Variants in AMZ2 observed in about 807,000 individuals in gnomAD.
AMZ2 encodes the protein archaemetzincin-2.
AMZ2 carries 26 observed loss-of-function variants against 36.7 expected under a neutral mutation model. The ratio of observed to expected loss-of-function variants is 0.71; its 90% CI spans 0.52 to 0.98. The LOEUF is 0.98. Ranked by LOEUF, AMZ2 falls within the 50% of genes least tolerant of loss-of-function variation. AMZ2 has a pLI of 0.00. For missense variants in AMZ2, 394 were observed against 430.5 expected, an observed-to-expected ratio of 0.92 and a Z score of 0.75; for synonymous variants, 144 against 149.1, an observed-to-expected ratio of 0.97 and a Z score of 0.25.
At chr17:68,249,499 A>C (rs1405057204) in intron 1 of AMZ2, 1 of 152,156 alleles carries the variant, frequency 6.6e-6, no homozygotes, top group Non-Finnish European at 1.5e-5. Flanking sequence ...GGGTTTTGCC[A>C]TGATGTCGAA....
At chr17:68,244,118 C>T (rs1301672738), upstream of AMZ2, among the ~76,000 whole-genome samples, 6 of 152,112 alleles carry the variant, frequency 3.9e-5, no homozygotes, top group East Asian at 1.2e-3. Context: ...GGACATCATA[C>T]ATATGGAAAA....
chr17:68,231,458 T>G (rs1467364333), intron 1 of AMZ2, among the ~76,000 whole-genome samples: 2 of 102,854 alleles, frequency 1.9e-5, no homozygotes, highest in African/African-American at 5.0e-5. Flanking sequence ...AATTGTGGCT[T>G]CTTGTATCCT....
At chr17:68,236,299 CTA>C (rs1195610722) in intron 1 of AMZ2, among the ~76,000 whole-genome samples, 2 of 151,878 alleles carry the variant, frequency 1.3e-5, no homozygotes, top group Admixed American at 6.6e-5. Flanking sequence ...AACACTTAAA[CTA>C]TGTAAATTTA....
intron 1 of AMZ2, among the ~76,000 whole-genome samples, chr17:68,221,292 G>A (rs2073359600): frequency 7.0e-6 from 1 of 142,570 alleles, no homozygotes. Flanking sequence ...AGTAGAGTCA[G>A]GGTCTCACTG....
chr17:68,248,934 G>T, intron 1 of AMZ2: 1 of 687,324 alleles, frequency 1.5e-6, no homozygotes, highest in Non-Finnish European at 1.9e-6. Flanking sequence ...CATTAAACTG[G>T]CAAAATCTAA....
intron 1 of AMZ2, chr17:68,249,609 C>G (rs1374464229): frequency 6.6e-6 from 1 of 152,518 alleles, no homozygotes; most frequent in Non-Finnish European, 1.5e-5. Flanking sequence ...AATATTATTC[C>G]CCAAAAGAAG....
At chr17:68,245,481 A>G (rs186974509), upstream of AMZ2, among the ~76,000 whole-genome samples, 2 of 151,548 alleles carry the variant, frequency 1.3e-5, no homozygotes, top group Admixed American at 6.6e-5. Flanking sequence ...TCCTAGGCTC[A>G]AGTGATTCTC....
chr17:68,236,513 T>G (rs565819710), intron 1 of AMZ2, among the ~76,000 whole-genome samples: 1 of 148,836 alleles, frequency 6.7e-6, no homozygotes, highest in African/African-American at 2.5e-5. Context: ...AAGAAGAAAG[T>G]AAAACAGCAC....
chr17:68,241,254 AAAT>A (rs2073894806), intron 1 of AMZ2, among the ~76,000 whole-genome samples: 1 of 152,354 alleles, frequency 6.6e-6, no homozygotes, highest in Non-Finnish European at 1.5e-5. Flanking sequence ...TTAAGAAAAT[AAAT>A]AATAGAAATC....
At chr17:68,227,464 ACT>A (rs1426118134) in intron 1 of AMZ2, among the ~76,000 whole-genome samples, 10 of 151,960 alleles carry the variant, frequency 6.6e-5, no homozygotes, top group Admixed American at 1.3e-4. Context: ...ACAGAAATCT[ACT>A]CTCTCACAGT....
At chr17:68,246,057 G>A (rs531944859), upstream of AMZ2, among the ~76,000 whole-genome samples, 3 of 152,050 alleles carry the variant, frequency 2.0e-5, no homozygotes, top group Non-Finnish European at 4.4e-5. Flanking sequence ...TGTAATCCCT[G>A]CACTTTGGGA....
chr17:68,209,098 G>A (rs1555725096), intron 1 of AMZ2, among the ~76,000 whole-genome samples: 1 of 152,164 alleles, frequency 6.6e-6, no homozygotes, highest in East Asian at 1.9e-4. Context: ...TGTCCGGGGA[G>A]GCTGTATGGA....
rs2074431654 is a variant in AMZ2 at position 68,251,114 on chromosome 17, A to G, written c.522A>G (p.Thr174=). ...ATGCCTTCTGTGTTGTGGGAATAAC[A>G]ATGATTGATCTTTACCCAAGAGACT... The part of the protein sequence containing the change: ...PEDAFCVVGI[T]MIDLYPRDSW... Residue 174 remains threonine (T), a synonymous_variant, in exon 4 of 7, where the codon ACA becomes ACG. Transcript: ENST00000359904. 1 of 1,613,946 alleles carries G rather than the reference A, an allele frequency of 6.2e-7. No homozygotes were observed. The highest frequency in any genetic ancestry group is 8.5e-7 in the Non-Finnish European group (1 of 1,179,956).
At chr17:68,236,862 G>A (rs1370911421) in intron 1 of AMZ2, among the ~76,000 whole-genome samples, 1 of 152,094 alleles carries the variant, frequency 6.6e-6, no homozygotes, top group Non-Finnish European at 1.5e-5. Flanking sequence ...TTACAGGCGT[G>A]AGCCACCATG....
At chr17:68,221,458 G>A (rs568496575) in intron 1 of AMZ2, among the ~76,000 whole-genome samples, 4 of 152,008 alleles carry the variant, frequency 2.6e-5, no homozygotes, top group South Asian at 2.1e-4. Context: ...GGCAGGGCAC[G>A]GTGGCTCACG....
chr17:68,248,729 A>G (rs1178584600), intron 1 of AMZ2, 24 bp downstream of exon 1: 4 of 989,690 alleles, frequency 4.0e-6, no homozygotes, highest in South Asian at 4.7e-5. Context: ...AGGAAGGTAC[A>G]TCTTGTTTTA....
intron 1 of AMZ2, among the ~76,000 whole-genome samples, chr17:68,232,562 TG>T (rs2073691296): frequency 6.6e-6 from 1 of 151,068 alleles, no homozygotes; most frequent in Non-Finnish European, 1.5e-5. Flanking sequence ...ACCTTTGGGC[TG>T]GGTGTGGTTT....
chr17:68,216,306 T>A (rs1432021868), intron 1 of AMZ2, among the ~76,000 whole-genome samples: 1 of 152,036 alleles, frequency 6.6e-6, no homozygotes, highest in Non-Finnish European at 1.5e-5. Context: ...GCTGATTTTT[T>A]TATTTTTTAT....
At chr17:68,242,819 T>C (rs2073929192) in intron 1 of AMZ2, among the ~76,000 whole-genome samples, 1 of 152,106 alleles carries the variant, frequency 6.6e-6, no homozygotes, top group South Asian at 2.1e-4. Context: ...GCAGATGTCT[T>C]GAGCCCAGGA....
Sources: gnomAD v4.1 joint callset for allele counts (sites outside exome capture counted in the v4.1 genomes callset) on GRCh38, gnomAD v4.1.1 for gene constraint, MANE v1.5 for transcripts, NCBI Gene and HGNC (gene_info 2026-07-23, HGNC 2026-07-21) for gene names.